APBA2: variants seen among roughly 807,000 people sequenced by gnomAD.
The protein encoded by APBA2 is amyloid-beta A4 precursor protein-binding family A member 2.
In APBA2, 30 loss-of-function variants were observed where a neutral mutation model predicts 75.0. The ratio of observed to expected loss-of-function variants is 0.40; its 90% CI spans 0.30 to 0.54. The LOEUF (loss-of-function observed/expected upper bound fraction) is 0.54, where lower values mean the gene tolerates loss of function less well. Among genes scored for constraint, APBA2 ranks in the 20% least tolerant of loss-of-function variants. The pLI, the probability that APBA2 is intolerant of heterozygous loss-of-function variation, is 0.49. For synonymous variants in APBA2, 444 were observed against 409.6 expected (o/e 1.08, Z -1.01); for missense variants, 801 against 1,016.1 (o/e 0.79, Z 2.88).
chr15:29,081,066 T>C (rs569420751), intron 6 of APBA2, among the ~76,000 whole-genome samples: 1 of 152,298 alleles, frequency 6.6e-6, no homozygotes, highest in African/African-American at 2.4e-5. Context: ...GCCCCAGACC[T>C]GGAGCTGAGC....
intron 14 of APBA2, among the ~76,000 whole-genome samples, chr15:29,116,023 G>A (rs553291818): frequency 1.3e-5 from 2 of 152,292 alleles, no homozygotes; most frequent in African/African-American, 2.4e-5. Flanking sequence ...AGGGGAGAGC[G>A]TCGTGCTCAG....
In APBA2 at chr15:28,991,968, C is replaced by T. The variant is rs1441814768; in HGVS notation, c.-94-3785C>T. 6.6e-6 allele frequency among the ~76,000 whole-genome samples: 1 copy of T among 152,174 alleles called. No homozygotes were observed. Among genetic ancestry groups the T allele is most frequent in the Non-Finnish European group, 1.5e-5 (1 of 68,036 alleles). The stretch of plus-strand genomic sequence containing the variant: ...GGGAAATGCAGCCATAGCTCTGGGG[C>T]CAGCTAGAGGAAGGAGTGTGATTGT... On this transcript the variant is annotated intron_variant, in intron 2 of 14. Transcript: ENST00000683413. The surrounding 1 kb of genome is among the most constrained non-coding windows in gnomAD (Gnocchi z 4.7).
chr15:29,089,762 C>T (rs2152946080), intron 6 of APBA2, among the ~76,000 whole-genome samples: 1 of 152,290 alleles, frequency 6.6e-6, no homozygotes, highest in South Asian at 2.1e-4. Flanking sequence ...TGTGCAGATA[C>T]ACTGTGCATA....
chr15:29,037,837 A>T (rs2040824023), intron 3 of APBA2, among the ~76,000 whole-genome samples: 1 of 152,170 alleles, frequency 6.6e-6, no homozygotes, highest in African/African-American at 2.4e-5. Context: ...AGACAGAGAG[A>T]CAAGATAGGG....
chr15:29,105,947 C>A (rs547488399), intron 11 of APBA2, among the ~76,000 whole-genome samples: 6 of 152,218 alleles, frequency 3.9e-5, no homozygotes, highest in African/African-American at 1.4e-4. Context: ...AGTGGCTTCC[C>A]CCAGGGGACT....
chr15:29,091,885 CAG>C (rs1349891498), intron 6 of APBA2, among the ~76,000 whole-genome samples: 5 of 152,012 alleles, frequency 3.3e-5, no homozygotes, highest in Non-Finnish European at 7.4e-5. Context: ...TGGAGGGACT[CAG>C]GGAGGGGCCA....
At chr15:29,065,868 C>G (rs1222453574) in intron 4 of APBA2, among the ~76,000 whole-genome samples, 1 of 152,192 alleles carries the variant, frequency 6.6e-6, no homozygotes, top group Non-Finnish European at 1.5e-5. Flanking sequence ...GGGTCTGTCC[C>G]ACGGGTGGCC....
intron 3 of APBA2, among the ~76,000 whole-genome samples, chr15:28,998,050 GTTTA>G (rs1289116718): frequency 6.6e-6 from 1 of 152,126 alleles, no homozygotes; most frequent in Non-Finnish European, 1.5e-5. Context: ...AAGGGCCGGG[GTTTA>G]TTTATTTTTC....
At chr15:28,952,934 G>A (rs1046034236) in intron 2 of APBA2, among the ~76,000 whole-genome samples, 1 of 152,192 alleles carries the variant, frequency 6.6e-6, no homozygotes, top group Non-Finnish European at 1.5e-5. Flanking sequence ...ACTCACATTT[G>A]TACCTTCAGA....
chr15:29,110,515 G>T (rs1018321531), intron 13 of APBA2, among the ~76,000 whole-genome samples: 1 of 152,228 alleles, frequency 6.6e-6, no homozygotes, highest in South Asian at 2.1e-4. Context: ...CCACCATGGG[G>T]TGGCCTGGGG....
At chr15:29,067,076 C>G (rs543476337) in intron 4 of APBA2, among the ~76,000 whole-genome samples, 1 of 150,902 alleles carries the variant, frequency 6.6e-6, no homozygotes, top group Admixed American at 6.6e-5. Flanking sequence ...GAGGGGGAAG[C>G]GCCACACACT....
intron 2 of APBA2, among the ~76,000 whole-genome samples, chr15:28,922,290 C>T (rs1409809788): frequency 6.6e-6 from 1 of 152,212 alleles, no homozygotes; most frequent in Non-Finnish European, 1.5e-5. Context: ...GGCTGCTTGC[C>T]TTGACCCAGG....
chr15:28,911,368 C>A (rs908399929), intron 1 of APBA2, among the ~76,000 whole-genome samples: 2 of 152,150 alleles, frequency 1.3e-5, no homozygotes, highest in African/African-American at 4.8e-5. Flanking sequence ...TTCCCCTGAA[C>A]AAATAAGATA....
rs147302303 is a variant in APBA2, at chr15:29,076,743, G to T, written c.1069+652G>T. Among the ~76,000 whole-genome samples, 402 of 152,270 alleles carry T rather than the reference G, an allele frequency of 2.6e-3. 2 individuals carry two copies. The highest frequency in any genetic ancestry group is 9.3e-3 in the African/African-American group (388 of 41,562). ...GAGGATGTTTCCTGCCCCTGCTAATGTGTTATAATAAACAATGTGAATTTC... is the reference window on the plus strand; with the variant it reads ...GAGGATGTTTCCTGCCCCTGCTAATTTGTTATAATAAACAATGTGAATTTC... On this transcript the variant is annotated intron_variant, in intron 6 of 14. Transcript: ENST00000683413.
At position 29,101,582 on chromosome 15, in the gene APBA2, T is replaced by C. The variant is rs2044125806; in HGVS notation, c.1339-17T>C. The C allele has an allele frequency of 6.2e-7, 1 of 1,611,094 alleles. No individual in the cohort carries two copies. Among genetic ancestry groups the C allele is most frequent in the Non-Finnish European group, 8.5e-7 (1 of 1,178,898 alleles). On this transcript the variant is annotated splice_polypyrimidine_tract_variant and intron_variant, in intron 9 of 14. Coordinates refer to ENST00000683413, the MANE Select transcript of APBA2 (RefSeq NM_001353788.2). The stretch of plus-strand genomic sequence containing the variant: ...CCAGTAGTGTTCCCTGACGTGGCAC[T>C]GTCTCCCTCCCGACAGGAAACCATG...
At chr15:28,983,001 A>G (rs1328431124) in intron 2 of APBA2, among the ~76,000 whole-genome samples, 2 of 152,226 alleles carry the variant, frequency 1.3e-5, no homozygotes, top group Non-Finnish European at 2.9e-5. Flanking sequence ...GGAGGCCACA[A>G]GTGTGTCAGG....
chr15:29,076,208 C>T lies in APBA2; in HGVS notation c.1069+117C>T. 3 of 1,103,724 alleles carry T rather than the reference C, an allele frequency of 2.7e-6. No homozygotes were observed. The South Asian group carries it at 3.7e-5, about 14-fold the overall frequency. The allele number at this position is 1,103,724 out of a possible 1,614,324, so 68.4% of individuals were successfully genotyped here. On this transcript the variant is annotated intron_variant, in intron 6 of 14. Transcript: ENST00000683413. ...TTGTTTACAAAGCGTGCCTACCTAC[C>T]AGCAAGGTGCTTGGCCATTGTCTGT...
intron 1 of APBA2, among the ~76,000 whole-genome samples, chr15:28,905,729 A>G (rs1447152948): frequency 6.6e-6 from 1 of 152,140 alleles, no homozygotes; most frequent in Non-Finnish European, 1.5e-5. Flanking sequence ...TCTAGCAATT[A>G]TCTTGTATCT....
chr15:29,017,497 G>A (rs979345937), intron 3 of APBA2, among the ~76,000 whole-genome samples: 1 of 144,982 alleles, frequency 6.9e-6, no homozygotes, highest in Admixed American at 7.1e-5. Context: ...AGCGTCCAGA[G>A]TAGCTGGGAT....
Sources: allele counts gnomAD v4.1 joint callset (sites outside exome capture counted in the v4.1 genomes callset), GRCh38; gene constraint gnomAD v4.1.1; non-coding constraint Gnocchi (gnomAD v3.1); transcripts MANE v1.5; gene names NCBI Gene and HGNC (gene_info 2026-07-23, HGNC 2026-07-21).